WWOX: variants seen among roughly 807,000 people sequenced by gnomAD.
WWOX encodes the protein WW domain containing oxidoreductase.
In WWOX, 69 loss-of-function variants were observed where a neutral mutation model predicts 46.2. That is an observed-to-expected ratio of 1.49 (90% CI 1.23 to 1.82). The LOEUF is 1.82. Ranked by LOEUF, WWOX falls within the 40% of genes most tolerant of loss-of-function variation. The pLI is 0.00. For missense variants in WWOX, 919 were observed against 542.6 expected, an observed-to-expected ratio of 1.69 and a Z score of -6.89; for synonymous variants, 359 against 202.6, an observed-to-expected ratio of 1.77 and a Z score of -6.56.
intron 5 of WWOX, among the ~76,000 whole-genome samples, chr16:78,307,438 C>T (rs948594282): frequency 3.9e-5 from 6 of 151,956 alleles, no homozygotes; most frequent in Non-Finnish European, 5.9e-5. Context: ...GAGAGGGAGG[C>T]AGAGGGGACT....
At chr16:78,928,136 T>A (rs2045540930) in intron 8 of WWOX, among the ~76,000 whole-genome samples, 1 of 152,144 alleles carries the variant, frequency 6.6e-6, no homozygotes, top group African/African-American at 2.4e-5. Context: ...TCTCCATGTT[T>A]GGTTTTCATT....
intron 5 of WWOX, among the ~76,000 whole-genome samples, chr16:78,354,711 T>TTTAA (rs61255928): frequency 0.73 from 110,301 of 151,574 alleles, 41,087 homozygotes; most frequent in African/African-American, 0.79. Context: ...GGTAAACTGT[T>TTTAA]TTGTTTGTCA....
At chr16:78,665,871 G>T (rs925439318) in intron 8 of WWOX, among the ~76,000 whole-genome samples, 1 of 152,070 alleles carries the variant, frequency 6.6e-6, no homozygotes, top group African/African-American at 2.4e-5. Context: ...TTTTAGTAGA[G>T]ATGGAGTTTC....
At chr16:78,408,154 T>A (rs921156192) in intron 6 of WWOX, among the ~76,000 whole-genome samples, 3 of 152,176 alleles carry the variant, frequency 2.0e-5, no homozygotes, top group Non-Finnish European at 4.4e-5. Context: ...AGCTACAAGT[T>A]AAATCCTCGG....
intron 8 of WWOX, among the ~76,000 whole-genome samples, chr16:78,908,471 C>T (rs1280715590): frequency 6.7e-6 from 1 of 150,246 alleles, no homozygotes; most frequent in Non-Finnish European, 1.5e-5. Context: ...ACCTGGGAGG[C>T]AGAGGCTGCA....
At position 78,785,849 on chromosome 16, in the gene WWOX, T is replaced by G. The variant is rs532677187; in HGVS notation, c.1056+353097T>G. On this transcript the variant is annotated intron_variant, in intron 8 of 8. Coordinates refer to ENST00000566780, the MANE Select transcript of WWOX (RefSeq NM_016373.4). ...TATTTCTTCAATTTTTTTCTGCTAC[T>G]CATAATGTAGCATCTGTAGAGCGAC... 2.0e-5 allele frequency among the ~76,000 whole-genome samples: 3 copies of G among 152,254 alleles called. No individual in the cohort carries two copies. The South Asian group carries it at 6.2e-4, about 32-fold the overall frequency.
chr16:78,803,869 C>G (rs987162048), intron 8 of WWOX, among the ~76,000 whole-genome samples: 2 of 152,138 alleles, frequency 1.3e-5, no homozygotes, highest in East Asian at 1.9e-4. Context: ...AAATTGAGTA[C>G]TGCTTCGTTT....
At chr16:78,409,868 G>A (rs1303226345) in intron 6 of WWOX, among the ~76,000 whole-genome samples, 1 of 152,172 alleles carries the variant, frequency 6.6e-6, no homozygotes, top group East Asian at 1.9e-4. Context: ...CCACAATCGG[G>A]AAAGGATCTC....
At chr16:78,318,840 A>G (rs2080407969) in intron 5 of WWOX, among the ~76,000 whole-genome samples, 1 of 152,226 alleles carries the variant, frequency 6.6e-6, no homozygotes, top group Non-Finnish European at 1.5e-5. Context: ...TAACTACAGT[A>G]CAGGATCCAA....
At position 78,346,781 on chromosome 16, in the gene WWOX, T is replaced by A. The variant is rs2081101301; in HGVS notation, c.517-40079T>A. Among the ~76,000 whole-genome samples, 2 of 121,126 alleles carry A rather than the reference T, an allele frequency of 1.7e-5. 1 individual carries two copies. Among genetic ancestry groups the A allele is most frequent in the Non-Finnish European group, 3.9e-5 (2 of 50,674 alleles). The allele number at this position is 121,126 out of a possible 152,430, so 79.5% of individuals were successfully genotyped here. ...GAGCAGTGGTGTGATCTTGGTTTAC[T>A]GCAACCTCTGCCTACTGGGTTCAAG... is the stretch of plus-strand genomic sequence containing the variant. On this transcript the variant is annotated intron_variant, in intron 5 of 8. Transcript: ENST00000566780.
At chr16:78,722,565 G>A (rs1310134453) in intron 8 of WWOX, among the ~76,000 whole-genome samples, 1 of 152,088 alleles carries the variant, frequency 6.6e-6, no homozygotes, top group Non-Finnish European at 1.5e-5. Flanking sequence ...GAGTTTTTCT[G>A]CCCCTCCAGT....
At chr16:78,235,084 T>A (rs904648717) in intron 5 of WWOX, among the ~76,000 whole-genome samples, 4 of 152,024 alleles carry the variant, frequency 2.6e-5, no homozygotes, top group Non-Finnish European at 5.9e-5. Flanking sequence ...ACACACGTAA[T>A]GATGTTCGTG....
At chr16:78,327,682 C>T (rs1041637938) in intron 5 of WWOX, among the ~76,000 whole-genome samples, 1 of 151,934 alleles carries the variant, frequency 6.6e-6, no homozygotes, top group African/African-American at 2.4e-5. Context: ...CTTTGGTTTT[C>T]TCAGTAGATG....
In WWOX at chr16:78,601,029, G is replaced by A. The variant is rs115123455; in HGVS notation, c.1056+168277G>A. Among the ~76,000 whole-genome samples, 502 of 152,174 alleles carry A rather than the reference G, an allele frequency of 3.3e-3. 3 individuals carry two copies. The highest frequency in any genetic ancestry group is 0.012 in the African/African-American group (492 of 41,534). On this transcript the variant is annotated intron_variant, in intron 8 of 8. Transcript: ENST00000566780. Reference sequence around the variant, plus strand: ...AAGCATTGCCTGCACCCTCAACCTCGTTCAGTTTCCACATAATACCTGGGG... The same window carrying A: ...AAGCATTGCCTGCACCCTCAACCTCATTCAGTTTCCACATAATACCTGGGG...
At chr16:78,802,882 C>G (rs369858266) in intron 8 of WWOX, among the ~76,000 whole-genome samples, 5 of 128,398 alleles carry the variant, frequency 3.9e-5, no homozygotes, top group Admixed American at 9.3e-5. Flanking sequence ...TGCCATTGCA[C>G]TCCAGCCTGG....
intron 8 of WWOX, among the ~76,000 whole-genome samples, chr16:78,729,482 A>C (rs891364960): frequency 1.2e-4 from 19 of 152,124 alleles, no homozygotes; most frequent in Non-Finnish European, 1.5e-4. Context: ...GGTCAGAGGG[A>C]GATTTGAGAA....
chr16:78,680,855 A>T (rs985147318), intron 8 of WWOX, among the ~76,000 whole-genome samples: 2 of 152,162 alleles, frequency 1.3e-5, no homozygotes, highest in Admixed American at 6.5e-5. Context: ...TCATGCCTGT[A>T]ATCCTAGCAC....
chr16:78,113,938 A>G (rs1342615549), intron 3 of WWOX, among the ~76,000 whole-genome samples: 2 of 151,688 alleles, frequency 1.3e-5, no homozygotes, highest in East Asian at 3.9e-4. Context: ...TTACACACAC[A>G]TACTTTTAAA....
chr16:79,105,593 A>G (rs1030809778), intron 8 of WWOX, among the ~76,000 whole-genome samples: 3 of 152,038 alleles, frequency 2.0e-5, no homozygotes, highest in African/African-American at 4.8e-5. Flanking sequence ...CACAGAAACA[A>G]TTATATTGTA....
Sources: allele counts gnomAD v4.1 joint callset (sites outside exome capture counted in the v4.1 genomes callset), GRCh38; gene constraint gnomAD v4.1.1; transcripts MANE v1.5; gene names NCBI Gene and HGNC (gene_info 2026-07-23, HGNC 2026-07-21).